The following CSMD1 variants were observed in gnomAD, a reference collection of about 807,000 sequenced individuals.
CSMD1 encodes the protein CUB and Sushi multiple domains 1.
In CSMD1, 213 loss-of-function variants were observed where a neutral mutation model predicts 417.5. The ratio of observed to expected loss-of-function variants is 0.51; its 90% CI spans 0.46 to 0.57. CSMD1 has a LOEUF of 0.57. CSMD1 is among the 20% of genes least tolerant of loss of function. The pLI, the probability that CSMD1 is intolerant of heterozygous loss-of-function variation, is 0.00. For synonymous variants in CSMD1, 2,862 were observed against 1,736.8 expected (o/e 1.65, Z -16.11); for missense variants, 6,923 against 4,529.7 (o/e 1.53, Z -15.17).
Position 4,354,881 on chromosome 8 carries a change from TG to T in CSMD1, c.415+65071del, listed in dbSNP as rs1563086665. ...GGAAAATGTAGTGTGTGTGTGTGTG[TG>T]TGTGTGTGTGTGTGTGTGTGTGTGT... On this transcript the variant is annotated intron_variant, in intron 3 of 69. Coordinates refer to ENST00000635120, the MANE Select transcript of CSMD1 (RefSeq NM_033225.6). 1.8e-3 allele frequency among the ~76,000 whole-genome samples: 262 copies of T among 149,486 alleles called. 2 individuals carry two copies. Among genetic ancestry groups the T allele is most frequent in the African/African-American group, 6.3e-3 (257 of 40,602 alleles).
intron 1 of CSMD1, among the ~76,000 whole-genome samples, chr8:4,892,198 A>G (rs1206182990): frequency 6.6e-6 from 1 of 152,126 alleles, no homozygotes; most frequent in Non-Finnish European, 1.5e-5. Flanking sequence ...ACTTTTCAAG[A>G]TTCTTTCAGG....
chr8:4,094,209 G>C (rs1457187604), intron 3 of CSMD1, among the ~76,000 whole-genome samples: 1 of 152,020 alleles, frequency 6.6e-6, no homozygotes, highest in Non-Finnish European at 1.5e-5. Context: ...GTGTGAGCTT[G>C]GCTGCACTAG....
chr8:4,852,669 T>A (rs148864870), intron 1 of CSMD1, among the ~76,000 whole-genome samples: 94 of 151,016 alleles, frequency 6.2e-4, no homozygotes, highest in African/African-American at 2.3e-3. Context: ...ATTGGAAGAG[T>A]TTGGAGGACT....
At chr8:3,765,089 C>G (rs1376238983) in intron 5 of CSMD1, among the ~76,000 whole-genome samples, 3 of 152,116 alleles carry the variant, frequency 2.0e-5, no homozygotes, top group Non-Finnish European at 4.4e-5. Context: ...CTTTCAAACA[C>G]CCTTAAAAAG....
intron 1 of CSMD1, among the ~76,000 whole-genome samples, chr8:4,961,336 T>G (rs1338185395): frequency 6.6e-6 from 1 of 152,146 alleles, no homozygotes; most frequent in Non-Finnish European, 1.5e-5. Flanking sequence ...TTAGAGCCTT[T>G]TCAAACATTC....
chr8:4,199,162 C>A (rs529242240), intron 3 of CSMD1, among the ~76,000 whole-genome samples: 3 of 152,166 alleles, frequency 2.0e-5, no homozygotes, highest in African/African-American at 4.8e-5. Context: ...GTATCCAGCA[C>A]AGCACTGGGG....
intron 11 of CSMD1, among the ~76,000 whole-genome samples, chr8:3,471,056 A>G (rs1286509112): frequency 6.6e-6 from 1 of 152,194 alleles, no homozygotes; most frequent in African/African-American, 2.4e-5. Context: ...CAATAGCTGC[A>G]TTGTGAAATC....
At chr8:3,209,107 G>C (rs1429117861) in intron 30 of CSMD1, among the ~76,000 whole-genome samples, 4 of 152,084 alleles carry the variant, frequency 2.6e-5, no homozygotes, top group East Asian at 1.9e-4. Flanking sequence ...AAAAGTCAAA[G>C]ATGAAATTCA....
At chr8:3,734,094 TG>T (rs1395304495) in intron 6 of CSMD1, among the ~76,000 whole-genome samples, 1 of 152,168 alleles carries the variant, frequency 6.6e-6, no homozygotes, top group Non-Finnish European at 1.5e-5. Context: ...TTCTTATCCT[TG>T]AGTTCCAATG....
rs530482626 is a variant in CSMD1 at position 3,278,957 on chromosome 8, A to G, written c.4153+5187T>C. ...TTCTTAATTACGACTGAGGGGTTAT[A>G]GGAACCTTCTTTTCTAAAACTAGAA... On this transcript the variant is annotated intron_variant, in intron 26 of 69. Transcript: ENST00000635120. The G allele has an allele frequency of 4.6e-5, 7 of 152,324 alleles. No homozygotes were observed. The East Asian group carries it at 1.3e-3, about 29-fold the overall frequency. 9.4% of individuals were successfully genotyped at this position (152,324 alleles called of 1,614,324 possible).
At chr8:4,541,127 T>C (rs1156793281) in intron 2 of CSMD1, among the ~76,000 whole-genome samples, 1 of 151,900 alleles carries the variant, frequency 6.6e-6, no homozygotes, top group African/African-American at 2.4e-5. Flanking sequence ...TGAGAACTGA[T>C]TTTTTTACCA....
At chr8:3,513,152 T>C (rs1427419023) in intron 10 of CSMD1, among the ~76,000 whole-genome samples, 1 of 152,062 alleles carries the variant, frequency 6.6e-6, no homozygotes, top group South Asian at 2.1e-4. Context: ...CCTTTATGGA[T>C]TCAGCTACAA....
intron 3 of CSMD1, among the ~76,000 whole-genome samples, chr8:4,119,487 G>T (rs866261333): frequency 6.6e-6 from 1 of 152,148 alleles, no homozygotes; most frequent in Admixed American, 6.5e-5. Flanking sequence ...GGTTAAACTC[G>T]TAATCCTCAA....
intron 5 of CSMD1, among the ~76,000 whole-genome samples, chr8:3,867,243 G>C (rs1361804739): frequency 6.6e-6 from 1 of 152,134 alleles, no homozygotes; most frequent in Non-Finnish European, 1.5e-5. Context: ...TAACTAGCTA[G>C]CTAGTGTAAG....
chr8:3,851,751 A>G (rs1316696580), intron 5 of CSMD1, among the ~76,000 whole-genome samples: 1 of 152,202 alleles, frequency 6.6e-6, no homozygotes, highest in African/African-American at 2.4e-5. Context: ...AAGGTGAGGA[A>G]TGAAGAGGGA....
intron 1 of CSMD1, among the ~76,000 whole-genome samples, chr8:4,780,280 G>C (rs150338392): frequency 6.6e-6 from 1 of 152,300 alleles, no homozygotes; most frequent in African/African-American, 2.4e-5. Context: ...TCTGAGCCCA[G>C]GCTTTGTCTC....
intron 26 of CSMD1, among the ~76,000 whole-genome samples, chr8:3,244,634 A>T (rs1799761549): frequency 1.3e-5 from 2 of 152,208 alleles, no homozygotes; most frequent in Admixed American, 6.5e-5. Flanking sequence ...AGGGTGAAAC[A>T]TTTTGGGGGC....
intron 3 of CSMD1, among the ~76,000 whole-genome samples, chr8:4,230,855 T>C (rs953339839): frequency 5.9e-5 from 9 of 152,196 alleles, no homozygotes; most frequent in African/African-American, 1.9e-4. Context: ...GAACAATCGA[T>C]TATAGATTCT....
intron 2 of CSMD1, among the ~76,000 whole-genome samples, chr8:4,446,402 G>C (rs915559578): frequency 2.6e-5 from 4 of 152,074 alleles, no homozygotes; most frequent in African/African-American, 9.7e-5. Context: ...AACAAAAGTA[G>C]CCATGGGTGG....
Sources: gnomAD v4.1 joint callset for allele counts (sites outside exome capture counted in the v4.1 genomes callset) on GRCh38, gnomAD v4.1.1 for gene constraint, MANE v1.5 for transcripts, NCBI Gene and HGNC (gene_info 2026-07-23, HGNC 2026-07-21) for gene names.